The following SH3RF3 variants were observed in gnomAD, a reference collection of about 807,000 sequenced individuals.
The protein encoded by SH3RF3 is SH3 domain containing ring finger 3.
A neutral mutation model predicts 66.3 loss-of-function variants in SH3RF3; 29 were observed. The ratio of observed to expected loss-of-function variants is 0.44; its 90% CI spans 0.33 to 0.60. SH3RF3 has a LOEUF of 0.60. Among genes scored for constraint, SH3RF3 ranks in the 20% least tolerant of loss-of-function variants. The pLI, the probability that SH3RF3 is intolerant of heterozygous loss-of-function variation, is 0.04. For missense variants in SH3RF3, 1,194 were observed against 1,190.9 expected (o/e 1.00, Z -0.04); for synonymous variants, 583 against 532.0 (o/e 1.10, Z -1.32).
At chr2:109,461,999 G>A (rs1354430594) in intron 8 of SH3RF3, among the ~76,000 whole-genome samples, 1 of 152,044 alleles carries the variant, frequency 6.6e-6, no homozygotes, top group Non-Finnish European at 1.5e-5. Flanking sequence ...TACGAGGGAT[G>A]TCTCAGTGTG....
chr2:109,492,639 C>T (rs1235056560), intron 9 of SH3RF3, among the ~76,000 whole-genome samples: 3 of 152,200 alleles, frequency 2.0e-5, no homozygotes, highest in East Asian at 3.9e-4. Flanking sequence ...ATGAGGAAAC[C>T]GAGGTTTTGT....
At chr2:109,191,412 A>G (rs1419644700) in intron 1 of SH3RF3, among the ~76,000 whole-genome samples, 1 of 152,178 alleles carries the variant, frequency 6.6e-6, no homozygotes, top group Non-Finnish European at 1.5e-5. Flanking sequence ...TGTGAATACT[A>G]TTTAGAAGAA....
chr2:109,437,196 T>C (rs376403488), intron 7 of SH3RF3, 50 bp downstream of exon 7: 3 of 1,550,888 alleles, frequency 1.9e-6, no homozygotes, highest in African/African-American at 2.7e-5. Context: ...GGGGGCTTCC[T>C]GGGACATGCT....
chr2:109,291,623 A>G (rs1559005189), intron 1 of SH3RF3, among the ~76,000 whole-genome samples: 1 of 152,186 alleles, frequency 6.6e-6, no homozygotes, highest in Non-Finnish European at 1.5e-5. Flanking sequence ...TGGTGGGGAA[A>G]TGTGTGGAGG....
intron 1 of SH3RF3, among the ~76,000 whole-genome samples, chr2:109,149,157 T>C (rs1480166785): frequency 1.3e-5 from 2 of 152,142 alleles, no homozygotes; most frequent in Non-Finnish European, 2.9e-5. Flanking sequence ...GGAGCTCACA[T>C]TGATGGAGTG....
At chr2:109,460,133 G>C (rs150742952) in intron 8 of SH3RF3, among the ~76,000 whole-genome samples, 1,700 of 152,324 alleles carry the variant, frequency 0.011, 29 homozygotes, top group African/African-American at 0.039. Context: ...ATTTGCTATG[G>C]AGTGAGCTCC....
At chr2:109,137,725 A>G (rs1454579494) in intron 1 of SH3RF3, among the ~76,000 whole-genome samples, 1 of 152,230 alleles carries the variant, frequency 6.6e-6, no homozygotes, top group Non-Finnish European at 1.5e-5. Flanking sequence ...GTTGCAGGTT[A>G]ACTAATCTCA....
At chr2:109,320,070 T>C (rs1681985000) in intron 1 of SH3RF3, among the ~76,000 whole-genome samples, 1 of 152,214 alleles carries the variant, frequency 6.6e-6, no homozygotes, top group East Asian at 1.9e-4. Context: ...AAGCTGGGGG[T>C]GGCCTCTTAT....
chr2:109,197,167 T>A (rs965572979), intron 1 of SH3RF3, among the ~76,000 whole-genome samples: 12 of 152,322 alleles, frequency 7.9e-5, no homozygotes, highest in South Asian at 2.1e-4. Flanking sequence ...GCTGCAGCCC[T>A]GCGGCCCAGG....
chr2:109,231,372 G>A (rs970602985), intron 1 of SH3RF3, among the ~76,000 whole-genome samples: 8 of 152,260 alleles, frequency 5.3e-5, no homozygotes, highest in African/African-American at 1.9e-4. Flanking sequence ...GGTTAATGCA[G>A]TTATCACCAC....
At chr2:109,333,104 C>CA (rs1682327382) in intron 1 of SH3RF3, among the ~76,000 whole-genome samples, 1 of 152,202 alleles carries the variant, frequency 6.6e-6, no homozygotes, top group African/African-American at 2.4e-5. Flanking sequence ...CAGTGCGTTC[C>CA]AGGAGAGACC....
At chr2:109,243,756 C>T (rs1225649886) in intron 1 of SH3RF3, among the ~76,000 whole-genome samples, 10 of 152,200 alleles carry the variant, frequency 6.6e-5, no homozygotes, top group African/African-American at 2.2e-4. Flanking sequence ...CGGGGTGGCC[C>T]GAGTGGTTTT....
At chr2:109,468,824 A>G (rs1215641852) in intron 8 of SH3RF3, among the ~76,000 whole-genome samples, 1 of 147,572 alleles carries the variant, frequency 6.8e-6, no homozygotes, top group Non-Finnish European at 1.5e-5. Context: ...AGTGCACTCC[A>G]GCCTGGGCAA....
intron 1 of SH3RF3, among the ~76,000 whole-genome samples, chr2:109,160,929 C>T (rs530065904): frequency 3.2e-4 from 49 of 152,206 alleles, no homozygotes; most frequent in Admixed American, 9.8e-4. Flanking sequence ...AGGATTAGAG[C>T]CTCAACCAGG....
intron 9 of SH3RF3, among the ~76,000 whole-genome samples, 179 bp downstream of exon 9, chr2:109,491,115 T>TG (rs1441380328): frequency 3.3e-5 from 5 of 152,232 alleles, no homozygotes; most frequent in Non-Finnish European, 5.9e-5. Flanking sequence ...GAAACGAGTC[T>TG]GGGAACTGGA....
At chr2:109,463,031 T>G (rs993887855) in intron 8 of SH3RF3, among the ~76,000 whole-genome samples, 5 of 152,222 alleles carry the variant, frequency 3.3e-5, no homozygotes, top group Non-Finnish European at 5.9e-5. Context: ...TGTAAGATTT[T>G]GGTATGGCCC....
rs183256859 is a variant in SH3RF3 at position 109,404,153 on chromosome 2, T to C, written c.1299+5210T>C. ...AAGAAGTGGGTGTGGCCGAGACCAC[T>C]GCAGGATGGGAAGGAGGGGAAGTAA... On this transcript the variant is annotated intron_variant, in intron 4 of 9. Transcript: ENST00000309415. Among the ~76,000 whole-genome samples the C allele has an allele frequency of 1.2e-3, 178 of 152,128 alleles. 1 individual carries two copies. The highest frequency in any genetic ancestry group is 2.0e-3 in the Non-Finnish European group (137 of 67,982).
chr2:109,168,569 C>G (rs1677682831), intron 1 of SH3RF3, among the ~76,000 whole-genome samples: 1 of 152,234 alleles, frequency 6.6e-6, no homozygotes, highest in Admixed American at 6.5e-5. Context: ...TACTTCTAAT[C>G]TTCGGACTGT....
intron 1 of SH3RF3, among the ~76,000 whole-genome samples, chr2:109,346,430 C>A (rs1682700233): frequency 6.6e-6 from 1 of 152,174 alleles, no homozygotes; most frequent in Non-Finnish European, 1.5e-5. Context: ...CTGAAGAACT[C>A]CTTGGCATAG....
Sources: gnomAD v4.1 joint callset for allele counts (sites outside exome capture counted in the v4.1 genomes callset) on GRCh38, gnomAD v4.1.1 for gene constraint, MANE v1.5 for transcripts, NCBI Gene and HGNC (gene_info 2026-07-23, HGNC 2026-07-21) for gene names.